The following CARMIL1 variants were observed in gnomAD, a reference collection of about 807,000 sequenced individuals.
CARMIL1 encodes F-actin-uncapping protein LRRC16A.
In CARMIL1, 90 loss-of-function variants were observed where a neutral mutation model predicts 177.1. That is an observed-to-expected ratio of 0.51 (90% CI 0.43 to 0.61). The LOEUF is 0.61. CARMIL1 is among the 20% of genes least tolerant of loss of function. CARMIL1 has a pLI of 0.00. For synonymous variants in CARMIL1, 577 were observed against 606.2 expected, an observed-to-expected ratio of 0.95 and a Z score of 0.71; for missense variants, 1,380 against 1,667.0, an observed-to-expected ratio of 0.83 and a Z score of 3.00.
chr6:25,589,576 C>A (rs1405353363), intron 31 of CARMIL1, among the ~76,000 whole-genome samples: 1 of 152,186 alleles, frequency 6.6e-6, no homozygotes, highest in African/African-American at 2.4e-5. Context: ...CCACCTCCCC[C>A]TCCCAGGCCC....
At chr6:25,610,239 C>G (rs1816395660) in intron 36 of CARMIL1, 58 bp downstream of exon 36, 1 of 1,534,542 alleles carries the variant, frequency 6.5e-7, no homozygotes. Flanking sequence ...AGGGACATTT[C>G]AAAATAAAGG....
At chr6:25,371,006 A>T (rs1326613900) in intron 2 of CARMIL1, among the ~76,000 whole-genome samples, 3 of 152,164 alleles carry the variant, frequency 2.0e-5, no homozygotes, top group African/African-American at 7.2e-5. Flanking sequence ...TATAAGTGAG[A>T]ACATACGGTA....
At chr6:25,389,164 T>C (rs1792489035) in intron 2 of CARMIL1, 1 of 152,262 alleles carries the variant, frequency 6.6e-6, no homozygotes. Context: ...CATCCACAGA[T>C]GCTCTGCCAG....
At chr6:25,309,931 G>A (rs1783646441) in intron 2 of CARMIL1, among the ~76,000 whole-genome samples, 1 of 151,764 alleles carries the variant, frequency 6.6e-6, no homozygotes, top group Non-Finnish European at 1.5e-5. Flanking sequence ...CACCGCACCC[G>A]GCTAATTTTT....
At chr6:25,511,028 T>C (rs1194642045) in intron 20 of CARMIL1, among the ~76,000 whole-genome samples, 1 of 152,204 alleles carries the variant, frequency 6.6e-6, no homozygotes, top group Non-Finnish European at 1.5e-5. Context: ...CCTGAGCCTA[T>C]CTTTTAATTA....
intron 2 of CARMIL1, among the ~76,000 whole-genome samples, chr6:25,370,495 C>T (rs1004308961): frequency 2.6e-5 from 4 of 152,104 alleles, no homozygotes; most frequent in African/African-American, 4.8e-5. Context: ...GTAAAGAAGA[C>T]GTGGAAAATA....
chr6:25,545,389 AAG>A (rs2151148654), intron 26 of CARMIL1, among the ~76,000 whole-genome samples: 1 of 147,184 alleles, frequency 6.8e-6, no homozygotes, highest in African/African-American at 2.5e-5. Flanking sequence ...AGAAATATGT[AAG>A]AATTTGAAGT....
intron 11 of CARMIL1, 35 bp from the exon 12 acceptor site, chr6:25,482,222 T>C: frequency 9.0e-7 from 1 of 1,105,302 alleles, no homozygotes; most frequent in Non-Finnish European, 1.4e-6. Flanking sequence ...TTCTGAGAAC[T>C]TGAAAATTCT....
In CARMIL1 at chr6:25,538,129, C is replaced by G. The variant is rs1448309628; in HGVS notation, c.2196+146C>G. The G allele has an allele frequency of 6.2e-5, 51 of 827,248 alleles. No individual in the cohort carries two copies. The East Asian group carries it at 1.4e-3, about 22-fold the overall frequency. 51.2% of individuals were successfully genotyped at this position (827,248 alleles called of 1,614,324 possible). The stretch of plus-strand genomic sequence containing the variant: ...CAAAGTGAACTGAATTAGCCTTGAC[C>G]TCCTTTCTGTACCTGTGCTGATTAC... On this transcript the variant is annotated intron_variant, in intron 25 of 36. Transcript: ENST00000329474.
At chr6:25,388,141 C>T (rs889725936) in intron 2 of CARMIL1, 1 of 152,154 alleles carries the variant, frequency 6.6e-6, no homozygotes, top group Non-Finnish European at 1.5e-5. Context: ...TGTTTTGAAA[C>T]TCATTTGATG....
intron 29 of CARMIL1, among the ~76,000 whole-genome samples, chr6:25,562,837 C>T (rs1230472734): frequency 1.3e-5 from 2 of 152,138 alleles, no homozygotes; most frequent in Non-Finnish European, 2.9e-5. Context: ...CCAAAACCAG[C>T]ACCCAAATTG....
At chr6:25,542,102 A>G (rs1353191730) in intron 26 of CARMIL1, among the ~76,000 whole-genome samples, 1 of 152,250 alleles carries the variant, frequency 6.6e-6, no homozygotes, top group Non-Finnish European at 1.5e-5. Flanking sequence ...AACTTATTCC[A>G]TACTGAAAAT....
At chr6:25,316,638 CT>C (rs1273579296) in intron 2 of CARMIL1, among the ~76,000 whole-genome samples, 1 of 152,052 alleles carries the variant, frequency 6.6e-6, no homozygotes, top group African/African-American at 2.4e-5. Flanking sequence ...TCTTGAACTC[CT>C]GACCTCAGGT....
chr6:25,314,555 T>TATATGTATGTATACATTCACACACATAC (rs1784127257), intron 2 of CARMIL1, among the ~76,000 whole-genome samples: 1 of 151,854 alleles, frequency 6.6e-6, no homozygotes. Context: ...CACATACATA[T>TATATGTATGTATACATTCACACACATAC]ATATGTATGT....
intron 8 of CARMIL1, among the ~76,000 whole-genome samples, chr6:25,457,357 C>G (rs906802662): frequency 6.6e-6 from 1 of 151,994 alleles, no homozygotes; most frequent in Non-Finnish European, 1.5e-5. Context: ...GATGAATGAT[C>G]AAAAAATATA....
At chr6:25,371,283 G>A (rs547657792) in intron 2 of CARMIL1, among the ~76,000 whole-genome samples, 1 of 152,304 alleles carries the variant, frequency 6.6e-6, no homozygotes, top group Non-Finnish European at 1.5e-5. Context: ...TAGTGAGATT[G>A]CTGGATGGAA....
At chr6:25,553,748 T>A (rs1226252647) in intron 27 of CARMIL1, among the ~76,000 whole-genome samples, 1 of 152,210 alleles carries the variant, frequency 6.6e-6, no homozygotes, top group South Asian at 2.1e-4. Flanking sequence ...CAGACGTTTT[T>A]CATTTCTACC....
At chr6:25,309,007 C>G (rs1783524725) in intron 2 of CARMIL1, among the ~76,000 whole-genome samples, 1 of 152,188 alleles carries the variant, frequency 6.6e-6, no homozygotes, top group South Asian at 2.1e-4. Flanking sequence ...CTGCCTCCTG[C>G]AACTTAGTCC....
intron 9 of CARMIL1, among the ~76,000 whole-genome samples, chr6:25,469,204 A>T (rs1800889322): frequency 6.6e-6 from 1 of 152,180 alleles, no homozygotes; most frequent in Admixed American, 6.5e-5. Flanking sequence ...TTATAGACAG[A>T]ATGGAATCAA....
Sources: allele counts gnomAD v4.1 joint callset (sites outside exome capture counted in the v4.1 genomes callset), GRCh38; gene constraint gnomAD v4.1.1; transcripts MANE v1.5; gene names NCBI Gene and HGNC (gene_info 2026-07-23, HGNC 2026-07-21).